The following TPST2 variants were observed in gnomAD, a reference collection of about 807,000 sequenced individuals.
TPST2 encodes the protein protein-tyrosine sulfotransferase 2.
In TPST2, 16 loss-of-function variants were observed where a neutral mutation model predicts 27.8. The ratio of observed to expected loss-of-function variants is 0.58; its 90% CI spans 0.39 to 0.88. TPST2 has a LOEUF of 0.88. Ranked by LOEUF, TPST2 falls within the 40% of genes least tolerant of loss-of-function variation. TPST2 has a pLI of 0.00. For synonymous variants in TPST2, 229 were observed against 231.7 expected (o/e 0.99, Z 0.10); for missense variants, 464 against 543.1 (o/e 0.85, Z 1.45).
chr22:26,568,791 A>G (rs1394999460), intron 1 of TPST2, among the ~76,000 whole-genome samples: 3 of 151,882 alleles, frequency 2.0e-5, no homozygotes, highest in Non-Finnish European at 2.9e-5. Context: ...GGCTCTGTCT[A>G]TGCAGTAGCC....
At chr22:26,560,847 G>A in intron 1 of TPST2, 6 of 1,585,590 alleles carry the variant, frequency 3.8e-6, no homozygotes, top group Non-Finnish European at 5.2e-6. Flanking sequence ...GTTCTGCTCT[G>A]CGTATCGCCC....
At chr22:26,528,102 G>T in intron 6 of TPST2, 112 bp downstream of exon 6, 1 of 1,273,314 alleles carries the variant, frequency 7.9e-7, no homozygotes, top group Non-Finnish European at 1.1e-6. Flanking sequence ...CACCCTAGTG[G>T]ACATGTCTAC....
intron 1 of TPST2, chr22:26,547,720 T>C (rs527983125): frequency 1.3e-4 from 19 of 151,974 alleles, no homozygotes; most frequent in African/African-American, 4.3e-4. Flanking sequence ...GAGGCCGAGG[T>C]TGGGGGATTG....
intron 3 of TPST2, 132 bp downstream of exon 3, chr22:26,540,657 A>C: frequency 1.3e-6 from 1 of 755,768 alleles, no homozygotes; most frequent in Non-Finnish European, 2.0e-6. Context: ...GGGATAATGA[A>C]ACGGAGGCTC....
intron 1 of TPST2, among the ~76,000 whole-genome samples, chr22:26,553,684 G>A (rs5761599): frequency 0.32 from 48,508 of 151,596 alleles, 7,988 homozygotes; most frequent in Middle Eastern, 0.38. Flanking sequence ...GTCGCCCCTC[G>A]GTATCATAAG....
chr22:26,551,091 T>C (rs1372732568), intron 1 of TPST2, among the ~76,000 whole-genome samples: 1 of 152,156 alleles, frequency 6.6e-6, no homozygotes, highest in African/African-American at 2.4e-5. Context: ...CAAAGGAGTT[T>C]GCGACCAGCC....
At chr22:26,573,107 C>G (rs1354973499) in intron 1 of TPST2, among the ~76,000 whole-genome samples, 3 of 152,206 alleles carry the variant, frequency 2.0e-5, no homozygotes. Context: ...GTTCCTGGCT[C>G]TACCTTCTTC....
chr22:26,554,722 G>A (rs1384144894), intron 1 of TPST2, among the ~76,000 whole-genome samples: 1 of 152,212 alleles, frequency 6.6e-6, no homozygotes, highest in African/African-American at 2.4e-5. Flanking sequence ...CGGATCACCT[G>A]GGGTCAGGAG....
intron 2 of TPST2, among the ~76,000 whole-genome samples, chr22:26,543,902 C>T (rs991917616): frequency 1.3e-5 from 2 of 152,192 alleles, no homozygotes; most frequent in Non-Finnish European, 2.9e-5. Flanking sequence ...AAGTAGCTTC[C>T]TGGTTACCCA....
At chr22:26,566,246 G>A (rs1268703494) in intron 1 of TPST2, among the ~76,000 whole-genome samples, 1 of 151,902 alleles carries the variant, frequency 6.6e-6, no homozygotes, top group African/African-American at 2.4e-5. Context: ...GTGAAACCCT[G>A]TCTCTATTAA....
chr22:26,549,201 G>A (rs1480247661), intron 1 of TPST2, among the ~76,000 whole-genome samples: 2 of 152,180 alleles, frequency 1.3e-5, no homozygotes, highest in Admixed American at 6.5e-5. Flanking sequence ...GCAAATCCTT[G>A]TATGGTGGAG....
chr22:26,541,804 A>G lies in TPST2; in HGVS notation c.-88-86T>C. On this transcript the variant is annotated intron_variant, in intron 2 of 6. Coordinates refer to ENST00000338754, the MANE Select transcript of TPST2 (RefSeq NM_003595.5). This position sits in a 1 kb window ranked among gnomAD's most constrained non-coding sequence, Gnocchi z 5.9. ...ACTGCAAAGCCCTATAACTGCAAAC[A>G]AGAGGCTGCTGACATGAATGCAGAG... The G allele has an allele frequency of 1.3e-5, 16 of 1,270,286 alleles. No homozygotes were observed. The highest frequency in any genetic ancestry group is 1.6e-5 in the Non-Finnish European group (15 of 959,134). The allele number at this position is 1,270,286 out of a possible 1,614,324, so 78.7% of individuals were successfully genotyped here.
chr22:26,578,566 G>A (rs1007387486), intron 1 of TPST2, among the ~76,000 whole-genome samples: 10 of 152,150 alleles, frequency 6.6e-5, no homozygotes, highest in African/African-American at 1.9e-4. Flanking sequence ...CCTCAGAGAA[G>A]GAAGATTTTG....
At position 26,541,427 on chromosome 22, in the gene TPST2, C is replaced by T. The variant is rs1925818812; in HGVS notation, c.204G>A (p.Met68Ile). 6.3e-7 allele frequency: 1 copy of T among 1,582,892 alleles called. No homozygotes were observed. The highest frequency in any genetic ancestry group is 8.6e-7 in the Non-Finnish European group (1 of 1,163,880). Residue 68 changes from methionine (M) to isoleucine (I), a missense_variant, in exon 3 of 7, where the codon ATG becomes ATA. Coordinates refer to ENST00000338754, the MANE Select transcript of TPST2 (RefSeq NM_003595.5). The surrounding 1 kb of genome is among the most constrained non-coding windows in gnomAD (Gnocchi z 5.9). ...NHVEYRYGKA[M>I]PLIFVGGVPR... is the part of the protein sequence containing the mutation. ...GCACGCCACCCACGAAGATGAGCGGCATGGCCTTGCCATAGCGGTATTCCA... is the reference window on the plus strand; with the variant it reads ...GCACGCCACCCACGAAGATGAGCGGTATGGCCTTGCCATAGCGGTATTCCA...
intron 1 of TPST2, among the ~76,000 whole-genome samples, chr22:26,579,987 G>A (rs963453876): frequency 3.9e-5 from 6 of 152,134 alleles, no homozygotes; most frequent in Non-Finnish European, 8.8e-5. Context: ...GCTTACGTCT[G>A]TAATCCCAGT....
intron 1 of TPST2, among the ~76,000 whole-genome samples, chr22:26,569,673 G>A (rs1380061418): frequency 6.6e-6 from 1 of 151,256 alleles, no homozygotes; most frequent in Non-Finnish European, 1.5e-5. Context: ...TTAATGGCCT[G>A]GCACGGTGGC....
At chr22:26,587,556 G>A (rs975103335) in intron 1 of TPST2, among the ~76,000 whole-genome samples, 2 of 152,056 alleles carry the variant, frequency 1.3e-5, no homozygotes, top group African/African-American at 2.4e-5. Flanking sequence ...GGATAGGCTG[G>A]TCTCGAACTC....
intron 1 of TPST2, among the ~76,000 whole-genome samples, chr22:26,549,300 C>T (rs976949392): frequency 1.3e-5 from 2 of 152,132 alleles, no homozygotes; most frequent in African/African-American, 4.8e-5. Flanking sequence ...AGAGGAAAGG[C>T]CAGTTTCCAA....
At chr22:26,566,720 C>T (rs1927396230) in intron 1 of TPST2, among the ~76,000 whole-genome samples, 1 of 152,116 alleles carries the variant, frequency 6.6e-6, no homozygotes, top group South Asian at 2.1e-4. Context: ...CCACTGCACT[C>T]CGGCCTAGAT....
Sources: gnomAD v4.1 joint callset for allele counts (sites outside exome capture counted in the v4.1 genomes callset) on GRCh38, gnomAD v4.1.1 for gene constraint, Gnocchi (gnomAD v3.1) non-coding constraint, MANE v1.5 for transcripts, NCBI Gene and HGNC (gene_info 2026-07-23, HGNC 2026-07-21) for gene names.